The following BYSL variants were observed in gnomAD, a reference collection of about 807,000 sequenced individuals.
BYSL encodes bystin like, also known as bystin.
BYSL carries 21 observed loss-of-function variants against 45.4 expected under a neutral mutation model. The observed-to-expected ratio is 0.46, with a 90% CI of 0.33 to 0.67. The LOEUF (loss-of-function observed/expected upper bound fraction) is 0.67. BYSL is among the 30% of genes least tolerant of loss of function. BYSL has a pLI of 0.02. For missense variants in BYSL, 522 were observed against 578.5 expected, an observed-to-expected ratio of 0.90 and a Z score of 1.00; for synonymous variants, 215 against 231.3, an observed-to-expected ratio of 0.93 and a Z score of 0.64.
At chr6:41,918,617 T>C (rs1340529648), upstream of BYSL, among the ~76,000 whole-genome samples, 1 of 149,422 alleles carries the variant, frequency 6.7e-6, no homozygotes, top group Non-Finnish European at 1.5e-5. Context: ...ATCAAGACCA[T>C]CCTGGCTAAC....
chr6:41,922,259 G>A (rs938991120), intron 1 of BYSL, among the ~76,000 whole-genome samples: 8 of 152,220 alleles, frequency 5.3e-5, no homozygotes, highest in African/African-American at 1.9e-4. Flanking sequence ...CCATGATAAA[G>A]TATCGTTTCC....
upstream of BYSL, among the ~76,000 whole-genome samples, chr6:41,920,372 T>TA (rs1479992773): frequency 6.6e-6 from 1 of 152,100 alleles, no homozygotes; most frequent in Non-Finnish European, 1.5e-5. Context: ...GCGAAAATCT[T>TA]AAAAAATACT....
rs779791479 is a variant in BYSL, at chr6:41,921,719, C to T, written c.157C>T (p.Arg53Trp). The change falls in exon 1 of 7, where the codon CGG becomes TGG. Residue 53 changes from arginine to tryptophan, a missense_variant. Coordinates refer to ENST00000230340, the MANE Select transcript of BYSL (RefSeq NM_004053.4). ...AGCGGAGGAAGAGTATGTGGGGCCC[C>T]GGCTGAGCCGACGGATTTTGCAGCA... ...GEAEEEYVGP[R>W]LSRRILQQAR... 2.2e-5 allele frequency: 35 copies of T among 1,613,224 alleles called. No homozygotes were observed. The highest frequency in any genetic ancestry group is 3.0e-5 in the Non-Finnish European group (35 of 1,179,844).
intron 1 of BYSL, among the ~76,000 whole-genome samples, chr6:41,925,690 A>T (rs556918718): frequency 1.6e-3 from 210 of 132,110 alleles, no homozygotes; most frequent in Middle Eastern, 6.3e-3. Context: ...TTATTTATTT[A>T]TTTTTTTGAG....
At chr6:41,909,285 C>CG in the BYSL span, 3 of 1,614,022 alleles carry the variant, frequency 1.9e-6, no homozygotes, top group Non-Finnish European at 2.5e-6. Flanking sequence ...AGAGATGCCC[C>CG]GGGCACTGGG....
At position 41,921,785 on chromosome 6, in the gene BYSL, A is replaced by C. The variant is rs1445486624; in HGVS notation, c.223A>C (p.Thr75Pro). The C allele has an allele frequency of 6.2e-7, 1 of 1,612,958 alleles. No individual in the cohort carries two copies. Among genetic ancestry groups the C allele is most frequent in the Non-Finnish European group, 8.5e-7 (1 of 1,179,762 alleles). ...GGAGGAACTCGAGGCCGAGCATGGG[A>C]CTGGGGACAAGCCCGCGGCGCCGCG... ...QQEELEAEHG[T>P]GDKPAAPRER... The change falls in exon 1 of 7, where the codon ACT becomes CCT. Residue 75 changes from threonine to proline, a missense_variant. Coordinates refer to ENST00000230340, the MANE Select transcript of BYSL (RefSeq NM_004053.4).
At chr6:41,923,827 C>T (rs931254499) in intron 1 of BYSL, among the ~76,000 whole-genome samples, 4 of 152,210 alleles carry the variant, frequency 2.6e-5, no homozygotes, top group Non-Finnish European at 4.4e-5. Flanking sequence ...AGTCTGACCT[C>T]TTCTACTGCT....
the BYSL span, chr6:41,909,139 A>C: frequency 7.7e-7 from 1 of 1,296,388 alleles, no homozygotes; most frequent in South Asian, 1.5e-5. Flanking sequence ...GTGCCATTGC[A>C]TTCCAGCCTG....
chr6:41,929,488 A>ACC (rs1472701180), intron 2 of BYSL, among the ~76,000 whole-genome samples: 2 of 152,000 alleles, frequency 1.3e-5, no homozygotes, highest in Non-Finnish European at 2.9e-5. Context: ...ACAGAGGTAG[A>ACC]CTCTCTCTCA....
At chr6:41,916,835 C>T, upstream of BYSL, 4 of 1,614,160 alleles carry the variant, frequency 2.5e-6, no homozygotes, top group Non-Finnish European at 3.4e-6. Flanking sequence ...ACAGTCCACA[C>T]AAAATGTTCC....
the BYSL span, among the ~76,000 whole-genome samples, chr6:41,910,262 T>C: frequency 2.6e-5 from 4 of 152,208 alleles, no homozygotes; most frequent in African/African-American, 7.2e-5. Context: ...CTCTAAAATA[T>C]GAGTTTTCTC....
chr6:41,921,392 G>T, upstream of BYSL: 1 of 873,578 alleles, frequency 1.1e-6, no homozygotes. Context: ...CGGAACCCGG[G>T]AGCTCTTTTA....
chr6:41,920,741 A>G (rs1775440173), upstream of BYSL: 4 of 404,274 alleles, frequency 9.9e-6, no homozygotes, highest in South Asian at 1.7e-4. Context: ...ACTGCACTCC[A>G]GTCTGGCGAC....
At chr6:41,918,820 G>A (rs192419990), upstream of BYSL, among the ~76,000 whole-genome samples, 8,390 of 150,008 alleles carry the variant, frequency 0.056, 412 homozygotes, top group Admixed American at 0.12. Context: ...GGTGGCGGGC[G>A]CCTGTAGTCC....
Position 41,930,770 on chromosome 6 carries a change from T to C in BYSL, c.704+2T>C. ...AGCTGCCATGTACCAGGCCACCAGGTAGAGTAGCTGGGGGTTCGGGGGCCT... is the reference window on the plus strand; with the variant it reads ...AGCTGCCATGTACCAGGCCACCAGGCAGAGTAGCTGGGGGTTCGGGGGCCT... On this transcript the variant is annotated splice_donor_variant, in intron 4 of 6. Coordinates refer to ENST00000230340, the MANE Select transcript of BYSL (RefSeq NM_004053.4). LOFTEE classifies it high-confidence loss of function. The C allele has an allele frequency of 6.2e-7, 1 of 1,611,388 alleles. No homozygotes were observed. Among genetic ancestry groups the C allele is most frequent in the Non-Finnish European group, 8.5e-7 (1 of 1,179,168 alleles).
intron 1 of BYSL, 43 bp from the exon 2 acceptor site, chr6:41,927,331 C>G (rs781051754): frequency 1.2e-6 from 2 of 1,604,896 alleles, no homozygotes; most frequent in Non-Finnish European, 8.5e-7. Flanking sequence ...AATCCCTCAG[C>G]TACCTTTTGC....
chr6:41,912,940 T>G, the BYSL span: 5 of 151,730 alleles, frequency 3.3e-5, no homozygotes, highest in African/African-American at 1.2e-4. Flanking sequence ...AGACCTTGAC[T>G]CTACAAAAAA....
At chr6:41,920,383 A>G (rs1010227256), upstream of BYSL, among the ~76,000 whole-genome samples, 1 of 152,098 alleles carries the variant, frequency 6.6e-6, no homozygotes, top group African/African-American at 2.4e-5. Flanking sequence ...AAAAAATACT[A>G]TCTCCTGATT....
intron 5 of BYSL, 78 bp downstream of exon 5, chr6:41,931,634 T>C: frequency 6.2e-7 from 1 of 1,609,740 alleles, no homozygotes; most frequent in Non-Finnish European, 8.5e-7. Flanking sequence ...TGTGGGAAAT[T>C]GCTAGCTGTC....
Sources: gnomAD v4.1 joint callset for allele counts (sites outside exome capture counted in the v4.1 genomes callset) on GRCh38, gnomAD v4.1.1 for gene constraint, MANE v1.5 for transcripts, NCBI Gene and HGNC (gene_info 2026-07-23, HGNC 2026-07-21) for gene names.